Variants in MCC observed in about 807,000 individuals in gnomAD.
MCC encodes the protein MCC regulator of Wnt signaling pathway.
In MCC, 90 loss-of-function variants were observed where a neutral mutation model predicts 116.2. The ratio of observed to expected loss-of-function variants is 0.77; its 90% CI spans 0.65 to 0.92. The LOEUF is 0.92. Among genes scored for constraint, MCC ranks in the 40% least tolerant of loss-of-function variants. MCC has a pLI of 0.00. For missense variants in MCC, 1,516 were observed against 1,312.2 expected (o/e 1.16, Z -2.40); for synonymous variants, 578 against 510.5 (o/e 1.13, Z -1.78).
At chr5:113,439,631 C>A (rs1378431917) in intron 1 of MCC, among the ~76,000 whole-genome samples, 1 of 152,098 alleles carries the variant, frequency 6.6e-6, no homozygotes, top group Non-Finnish European at 1.5e-5. Flanking sequence ...CTGAAGATAG[C>A]TGAGGAGGCA....
chr5:113,071,036 G>T (rs145479195), intron 12 of MCC, 58 bp downstream of exon 12: 4 of 1,560,934 alleles, frequency 2.6e-6, no homozygotes, highest in East Asian at 2.3e-5. Flanking sequence ...TATTCTGAAG[G>T]TTACTCTGGA....
At chr5:113,381,073 C>T (rs1376177114) in intron 2 of MCC, among the ~76,000 whole-genome samples, 1 of 151,934 alleles carries the variant, frequency 6.6e-6, no homozygotes, top group East Asian at 1.9e-4. Flanking sequence ...ATGTCAGGAG[C>T]CAAGGAAGGG....
intron 2 of MCC, among the ~76,000 whole-genome samples, chr5:113,355,173 C>T (rs1019495418): frequency 6.6e-6 from 1 of 152,164 alleles, no homozygotes; most frequent in African/African-American, 2.4e-5. Flanking sequence ...TTAGTTAAAG[C>T]ATCCAGAGAA....
chr5:113,105,158 A>G (rs750031448), intron 6 of MCC, among the ~76,000 whole-genome samples: 115 of 152,362 alleles, frequency 7.5e-4, no homozygotes, highest in Non-Finnish European at 1.3e-3. Flanking sequence ...TCGCCATGCC[A>G]TTCAATTATT....
At chr5:113,293,087 T>C in intron 3 of MCC, among the ~76,000 whole-genome samples, 1 of 152,138 alleles carries the variant, frequency 6.6e-6, no homozygotes, top group South Asian at 2.1e-4. Context: ...CAAAATGCTA[T>C]TTCAAACCGG....
chr5:113,114,670 T>A (rs1366813235), intron 6 of MCC, among the ~76,000 whole-genome samples: 1 of 152,066 alleles, frequency 6.6e-6, no homozygotes, highest in Non-Finnish European at 1.5e-5. Flanking sequence ...TGTCAGAAAC[T>A]GTGGTTTGAT....
chr5:113,160,623 A>T lies in MCC; in HGVS notation c.628-9201T>A, dbSNP rs149448265. Among the ~76,000 whole-genome samples, 499 of 152,358 alleles carry T rather than the reference A, an allele frequency of 3.3e-3. 6 individuals carry two copies. Among genetic ancestry groups the T allele is most frequent in the African/African-American group, 0.011 (471 of 41,582 alleles). On this transcript the variant is annotated intron_variant, in intron 3 of 18. Coordinates refer to ENST00000408903, the MANE Select transcript of MCC (RefSeq NM_001085377.2). ...CAAGTCCCCTGCTTTGCAACAGAAT[A>T]TCATAGCACTTCTGAGATCCTTGCA... is the stretch of plus-strand genomic sequence containing the variant.
chr5:113,190,532 G>A (rs111229258), intron 3 of MCC, among the ~76,000 whole-genome samples: 2,941 of 152,206 alleles, frequency 0.019, 104 homozygotes, highest in African/African-American at 0.068. Context: ...CTAATTCTAA[G>A]GGGGAAAACT....
intron 6 of MCC, among the ~76,000 whole-genome samples, chr5:113,114,837 TA>T (rs1198858233): frequency 6.6e-6 from 1 of 152,146 alleles, no homozygotes; most frequent in African/African-American, 2.4e-5. Flanking sequence ...TTATTGGCAA[TA>T]AAATCCTCTG....
intron 8 of MCC, among the ~76,000 whole-genome samples, chr5:113,100,097 C>G (rs1030680204): frequency 6.6e-5 from 10 of 152,302 alleles, no homozygotes; most frequent in African/African-American, 2.4e-4. Flanking sequence ...TCCGATATAG[C>G]TGCATACTGA....
intron 3 of MCC, among the ~76,000 whole-genome samples, chr5:113,237,715 T>C (rs1474598006): frequency 1.3e-5 from 2 of 152,162 alleles, no homozygotes; most frequent in African/African-American, 4.8e-5. Context: ...CCTCATTGAT[T>C]AGTCTCAGCT....
At chr5:113,198,539 T>TA (rs10718683) in intron 3 of MCC, among the ~76,000 whole-genome samples, 5,744 of 136,166 alleles carry the variant, frequency 0.042, 160 homozygotes, top group Middle Eastern at 0.071. Context: ...TACAAATAAT[T>TA]AAAAAAAAAA....
chr5:113,276,764 C>T (rs1265929210), intron 3 of MCC, among the ~76,000 whole-genome samples: 5 of 151,514 alleles, frequency 3.3e-5, no homozygotes, highest in Non-Finnish European at 7.4e-5. Flanking sequence ...GTGGCTGGGC[C>T]TATGTGTACT....
chr5:113,057,882 G>A (rs1215479806), intron 14 of MCC, among the ~76,000 whole-genome samples: 1 of 152,260 alleles, frequency 6.6e-6, no homozygotes, highest in African/African-American at 2.4e-5. Flanking sequence ...AGACAGGGCT[G>A]AGGGTGGAGA....
chr5:113,477,933 C>A (rs527487025), intron 1 of MCC, among the ~76,000 whole-genome samples: 1 of 152,262 alleles, frequency 6.6e-6, no homozygotes, highest in Non-Finnish European at 1.5e-5. Flanking sequence ...GTTCCATAAC[C>A]ATGAGAAAAA....
intron 2 of MCC, among the ~76,000 whole-genome samples, chr5:113,350,999 C>T (rs1768253968): frequency 6.6e-6 from 1 of 152,034 alleles, no homozygotes; most frequent in African/African-American, 2.4e-5. Context: ...CATCTCATCC[C>T]AGTTAAAGTG....
At chr5:113,395,066 C>T (rs1015580740) in intron 1 of MCC, among the ~76,000 whole-genome samples, 1 of 152,116 alleles carries the variant, frequency 6.6e-6, no homozygotes, top group Non-Finnish European at 1.5e-5. Context: ...TCCTAGAGGA[C>T]AAAGTTCATT....
At position 113,071,077 on chromosome 5, in the gene MCC, T is replaced by A; in HGVS notation, c.1925+17A>T. Reference sequence around the variant, plus strand: ...TTCTACCCTGAAGTAGCTCCAAACATCCCAGTGTGTGCCTACCTGTACTGC... The same window carrying A: ...TTCTACCCTGAAGTAGCTCCAAACAACCCAGTGTGTGCCTACCTGTACTGC... On this transcript the variant is annotated intron_variant, in intron 12 of 18. Transcript: ENST00000408903. 1.2e-6 allele frequency: 2 copies of A among 1,602,756 alleles called. No individual in the cohort carries two copies. The highest frequency in any genetic ancestry group is 1.7e-6 in the Non-Finnish European group (2 of 1,175,282).
chr5:113,134,142 C>A (rs181112563), intron 5 of MCC, among the ~76,000 whole-genome samples: 12 of 152,270 alleles, frequency 7.9e-5, no homozygotes, highest in South Asian at 6.2e-4. Context: ...ACTAAAAATT[C>A]TTTGCCCAGA....
Sources: gnomAD v4.1 joint callset for allele counts (sites outside exome capture counted in the v4.1 genomes callset) on GRCh38, gnomAD v4.1.1 for gene constraint, MANE v1.5 for transcripts, NCBI Gene and HGNC (gene_info 2026-07-23, HGNC 2026-07-21) for gene names.